DPYD: variants seen among roughly 807,000 people sequenced by gnomAD.
The protein encoded by DPYD is dihydropyrimidine dehydrogenase, also known as dihydropyrimidine dehydrogenase [NADP(+)].
DPYD carries 109 observed loss-of-function variants against 116.2 expected under a neutral mutation model. That is an observed-to-expected ratio of 0.94 (90% CI 0.80 to 1.10). DPYD has a LOEUF of 1.10. DPYD is among the 50% of genes least tolerant of loss of function. DPYD has a pLI of 0.00. For synonymous variants in DPYD, 440 were observed against 432.0 expected (o/e 1.02, Z -0.23); for missense variants, 1,302 against 1,254.5 (o/e 1.04, Z -0.57).
chr1:97,244,810 T>C lies in DPYD; in HGVS notation c.2300-9816A>G, dbSNP rs116753598. 4.2e-3 allele frequency among the ~76,000 whole-genome samples: 640 copies of C among 152,180 alleles called. 4 individuals are homozygous for C. The highest frequency in any genetic ancestry group is 0.014 in the African/African-American group (590 of 41,556). On this transcript the variant is annotated intron_variant, in intron 18 of 22. Coordinates refer to ENST00000370192, the MANE Select transcript of DPYD (RefSeq NM_000110.4). ...GGTGTGCACTTTCAAAGTAGAGTTA[T>C]TGAGGAAACGCACAAATGGTTTTAC...
At chr1:97,541,370 A>G (rs1650442008) in intron 12 of DPYD, among the ~76,000 whole-genome samples, 1 of 152,216 alleles carries the variant, frequency 6.6e-6, no homozygotes, top group Non-Finnish European at 1.5e-5. Flanking sequence ...ACTGCTGTCA[A>G]ATTAGGTGTT....
At chr1:97,575,718 G>C (rs111720531) in intron 10 of DPYD, among the ~76,000 whole-genome samples, 1 of 152,076 alleles carries the variant, frequency 6.6e-6, no homozygotes, top group Non-Finnish European at 1.5e-5. Context: ...AGAGGTAAGC[G>C]GAATTGAATC....
At chr1:97,399,529 T>C (rs1264935447) in intron 14 of DPYD, among the ~76,000 whole-genome samples, 2 of 152,196 alleles carry the variant, frequency 1.3e-5, no homozygotes, top group African/African-American at 4.8e-5. Flanking sequence ...ATCTATAAAT[T>C]ACCTTGGGCA....
intron 21 of DPYD, among the ~76,000 whole-genome samples, chr1:97,092,896 T>C (rs986567471): frequency 1.3e-5 from 2 of 152,146 alleles, no homozygotes; most frequent in Non-Finnish European, 2.9e-5. Context: ...TCACTGACTC[T>C]TGGAGGAAGA....
At chr1:97,148,732 C>G (rs558819123) in intron 20 of DPYD, among the ~76,000 whole-genome samples, 2 of 152,064 alleles carry the variant, frequency 1.3e-5, no homozygotes, top group African/African-American at 2.4e-5. Context: ...TCTGGTGTCA[C>G]GACAAACATC....
rs545124145 is a variant in DPYD, at chr1:97,153,961, A to C, written c.2622+39108T>G. 1.2e-3 allele frequency among the ~76,000 whole-genome samples: 171 copies of C among 140,180 alleles called. 1 individual carries two copies. Among genetic ancestry groups the C allele is most frequent in the South Asian group, 3.2e-3 (13 of 4,074 alleles). The allele number at this position is 140,180 out of a possible 152,430, so 92.0% of individuals were successfully genotyped here. A position where few individuals can be genotyped will look rare whatever the true frequency, so the allele number is the denominator to read the frequency against. ...CACAAAACCACCTCACTCCTGCAAG[A>C]ATGGCCATGATCAAAAAAAAAAAAA... On this transcript the variant is annotated intron_variant, in intron 20 of 22. Coordinates refer to ENST00000370192, the MANE Select transcript of DPYD (RefSeq NM_000110.4).
chr1:97,581,612 G>A (rs925449885), intron 10 of DPYD, among the ~76,000 whole-genome samples: 1 of 151,574 alleles, frequency 6.6e-6, no homozygotes, highest in Non-Finnish European at 1.5e-5. Flanking sequence ...CAGGTATGGT[G>A]GCATCTGCCT....
chr1:97,332,933 T>A (rs190574448), intron 16 of DPYD, among the ~76,000 whole-genome samples: 230 of 152,284 alleles, frequency 1.5e-3, no homozygotes, highest in African/African-American at 5.4e-3. Context: ...TGGCTAAGAA[T>A]GAGTTGAACT....
At chr1:97,084,880 G>C (rs1340616953) in intron 21 of DPYD, among the ~76,000 whole-genome samples, 2 of 152,090 alleles carry the variant, frequency 1.3e-5, no homozygotes, top group Non-Finnish European at 2.9e-5. Flanking sequence ...CCTGTTTCTG[G>C]AGATCATTGA....
intron 1 of DPYD, among the ~76,000 whole-genome samples, chr1:97,903,302 A>G (rs1025806621): frequency 6.6e-6 from 1 of 151,970 alleles, no homozygotes; most frequent in Non-Finnish European, 1.5e-5. Context: ...TTTACTGAAT[A>G]TAATACATAT....
intron 18 of DPYD, among the ~76,000 whole-genome samples, chr1:97,270,323 AT>A (rs933737259): frequency 2.0e-5 from 3 of 152,126 alleles, no homozygotes; most frequent in Non-Finnish European, 4.4e-5. Flanking sequence ...ATAGACTATA[AT>A]TTTTTATTCT....
intron 8 of DPYD, among the ~76,000 whole-genome samples, chr1:97,662,064 G>A (rs748401641): frequency 9.3e-5 from 13 of 140,372 alleles, no homozygotes; most frequent in South Asian, 2.3e-4. Flanking sequence ...GCATGATCCC[G>A]GCTCCAGCTC....
intron 19 of DPYD, among the ~76,000 whole-genome samples, chr1:97,233,372 G>A (rs1398540947): frequency 6.6e-6 from 1 of 152,066 alleles, no homozygotes; most frequent in Non-Finnish European, 1.5e-5. Flanking sequence ...AAGGGGGGAG[G>A]ACGGACACCT....
chr1:97,444,892 A>G (rs1675993963), intron 14 of DPYD, among the ~76,000 whole-genome samples: 1 of 152,250 alleles, frequency 6.6e-6, no homozygotes, highest in South Asian at 2.1e-4. Context: ...TTCAATCATG[A>G]ATGTATAAAT....
intron 18 of DPYD, among the ~76,000 whole-genome samples, chr1:97,262,367 T>C (rs946968428): frequency 6.6e-6 from 1 of 152,172 alleles, no homozygotes. Context: ...GCATGTAAAA[T>C]GCTCCACATA....
intron 13 of DPYD, among the ~76,000 whole-genome samples, chr1:97,501,887 AAC>A (rs2101932969): frequency 6.6e-6 from 1 of 152,166 alleles, no homozygotes; most frequent in Non-Finnish European, 1.5e-5. Context: ...CATTTAAATT[AAC>A]ACATTAATTT....
At chr1:97,774,939 C>A in intron 3 of DPYD, 1 of 321,690 alleles carries the variant, frequency 3.1e-6, no homozygotes, top group Non-Finnish European at 6.5e-6. Context: ...CTAGAAATAG[C>A]ATCCTCAAAG....
chr1:97,520,953 T>C (rs996816371), intron 12 of DPYD, among the ~76,000 whole-genome samples: 2 of 152,302 alleles, frequency 1.3e-5, no homozygotes, highest in Admixed American at 1.3e-4. Context: ...CATATCTCTT[T>C]ATAGTAGAAT....
chr1:97,831,190 T>G (rs377263659), intron 2 of DPYD, among the ~76,000 whole-genome samples: 2 of 152,060 alleles, frequency 1.3e-5, no homozygotes, highest in African/African-American at 4.8e-5. Context: ...AACAGACACA[T>G]GATTTGAATT....
Sources: allele counts gnomAD v4.1 joint callset (sites outside exome capture counted in the v4.1 genomes callset), GRCh38; gene constraint gnomAD v4.1.1; transcripts MANE v1.5; gene names NCBI Gene and HGNC (gene_info 2026-07-23, HGNC 2026-07-21).